COL25A1: variants seen among roughly 807,000 people sequenced by gnomAD.
COL25A1 encodes collagen type XXV alpha 1 chain.
In COL25A1, 103 loss-of-function variants were observed where a neutral mutation model predicts 128.4. The ratio of observed to expected loss-of-function variants is 0.80; its 90% CI spans 0.68 to 0.94. The LOEUF (loss-of-function observed/expected upper bound fraction) is 0.94. Ranked by LOEUF, COL25A1 falls within the 40% of genes least tolerant of loss-of-function variation. COL25A1 has a pLI of 0.00. For synonymous variants in COL25A1, 279 were observed against 277.2 expected (o/e 1.01, Z -0.06); for missense variants, 745 against 840.0 (o/e 0.89, Z 1.40).
intron 3 of COL25A1, among the ~76,000 whole-genome samples, chr4:109,294,056 T>A (rs930909947): frequency 6.6e-6 from 1 of 152,142 alleles, no homozygotes; most frequent in African/African-American, 2.4e-5. Flanking sequence ...TTAAAGCTGA[T>A]AGGACACTAG....
At chr4:109,156,337 C>T (rs1260192455) in intron 3 of COL25A1, among the ~76,000 whole-genome samples, 1 of 152,216 alleles carries the variant, frequency 6.6e-6, no homozygotes, top group Non-Finnish European at 1.5e-5. Context: ...ATACCGAAAG[C>T]CGGCTTGATT....
At chr4:108,959,819 T>C (rs1750471748) in intron 8 of COL25A1, among the ~76,000 whole-genome samples, 1 of 152,126 alleles carries the variant, frequency 6.6e-6, no homozygotes. Flanking sequence ...TTTGTTTGAC[T>C]TTTCTGCCTA....
intron 3 of COL25A1, among the ~76,000 whole-genome samples, chr4:109,154,439 T>C (rs1231257451): frequency 6.6e-6 from 1 of 152,106 alleles, no homozygotes; most frequent in Non-Finnish European, 1.5e-5. Context: ...AACACACACA[T>C]GCACAAAAAC....
chr4:109,252,606 C>T (rs1780738472), intron 3 of COL25A1, among the ~76,000 whole-genome samples: 1 of 152,202 alleles, frequency 6.6e-6, no homozygotes, highest in Non-Finnish European at 1.5e-5. Flanking sequence ...TATCCATATA[C>T]CTCTTCTCCA....
At chr4:108,951,141 T>A (rs574876808) in intron 8 of COL25A1, among the ~76,000 whole-genome samples, 33 of 152,140 alleles carry the variant, frequency 2.2e-4, no homozygotes, top group Admixed American at 2.0e-3. Context: ...TTTAGAGAAA[T>A]GCCTGGAAAA....
chr4:109,042,618 T>C (rs1337149722), intron 5 of COL25A1, among the ~76,000 whole-genome samples: 3 of 152,072 alleles, frequency 2.0e-5, no homozygotes, highest in Non-Finnish European at 4.4e-5. Context: ...CCTGCTATTA[T>C]AGAAAAAATA....
intron 3 of COL25A1, among the ~76,000 whole-genome samples, chr4:109,057,980 G>A (rs1450623661): frequency 1.3e-5 from 2 of 152,166 alleles, no homozygotes; most frequent in African/African-American, 4.8e-5. Context: ...TTTCCGAACT[G>A]AGTGCAACGT....
chr4:109,031,017 G>C (rs1021469944), intron 5 of COL25A1, among the ~76,000 whole-genome samples: 3 of 149,178 alleles, frequency 2.0e-5, no homozygotes, highest in Non-Finnish European at 4.4e-5. Context: ...GGGATTATAG[G>C]GATGAGCCAC....
intron 24 of COL25A1, among the ~76,000 whole-genome samples, chr4:108,855,803 C>T (rs1422416540): frequency 6.6e-6 from 1 of 152,104 alleles, no homozygotes; most frequent in Non-Finnish European, 1.5e-5. Flanking sequence ...GCTAACTTCA[C>T]AAATACATAG....
Position 109,146,211 on chromosome 4 carries a change from T to C in COL25A1, c.368-96032A>G, listed in dbSNP as rs80027734. On this transcript the variant is annotated intron_variant, in intron 3 of 37. Coordinates refer to ENST00000399132, the MANE Select transcript of COL25A1 (RefSeq NM_198721.4). ...AATAACCATGATTAAGAAGTAACTG[T>C]TAAGTAAAAATGTATTTTCTAACAT... is the stretch of plus-strand genomic sequence containing the variant. Among the ~76,000 whole-genome samples, 90 of 152,290 alleles carry C rather than the reference T, an allele frequency of 5.9e-4. No individual in the cohort carries two copies. The East Asian group carries it at 0.017, about 29-fold the overall frequency.
In COL25A1 at chr4:109,271,784, GA is replaced by G. The variant is rs570853647; in HGVS notation, c.367+28798del. 1.4e-4 allele frequency among the ~76,000 whole-genome samples: 22 copies of G among 151,988 alleles called. No individual in the cohort carries two copies. The East Asian group carries it at 3.7e-3, about 25-fold the overall frequency. ...TTAAGATGGGGGTTAAGAACCTGAG[GA>G]AAAAAGTGTATAATTTTATAGTATC... On this transcript the variant is annotated intron_variant, in intron 3 of 37. Coordinates refer to ENST00000399132, the MANE Select transcript of COL25A1 (RefSeq NM_198721.4).
rs770593131 is a variant in COL25A1, at chr4:109,050,138, A to T, written c.409T>A (p.Ser137Thr). 3.7e-6 allele frequency: 6 copies of T among 1,609,214 alleles called. No homozygotes were observed. The South Asian group carries it at 6.6e-5, about 18-fold the overall frequency. ...KRGKRGRRGE[S>T]GPPGQPGPQG... ...AGCAGCTGAAAGAGAGACTTACCAG[A>T]TTCTCCTCTTCGGCCTCTCTTACCT... The change falls in exon 4 of 38, where the codon TCT (serine) becomes ACT (threonine). Residue 137 changes from serine to threonine, a missense_variant. Coordinates refer to ENST00000399132, the MANE Select transcript of COL25A1 (RefSeq NM_198721.4).
At chr4:109,060,469 T>C (rs1761862856) in intron 3 of COL25A1, among the ~76,000 whole-genome samples, 1 of 152,162 alleles carries the variant, frequency 6.6e-6, no homozygotes, top group South Asian at 2.1e-4. Context: ...ACATGGACCC[T>C]GGCAGATGAG....
chr4:109,242,056 A>C (rs987265130), intron 3 of COL25A1, among the ~76,000 whole-genome samples: 4 of 151,724 alleles, frequency 2.6e-5, no homozygotes, highest in African/African-American at 4.9e-5. Context: ...CTGGAATATT[A>C]ATGGTTGATG....
At chr4:108,966,926 A>AGAAAGAAAGAAAAGAGAGAG (rs56937338) in intron 8 of COL25A1, among the ~76,000 whole-genome samples, 1 of 150,788 alleles carries the variant, frequency 6.6e-6, no homozygotes, top group South Asian at 2.1e-4. Context: ...AAGAGAGAAA[A>AGAAAGAAAGAAAAGAGAGAG]AGAGAGAAAG....
In COL25A1 at chr4:109,021,988, T is replaced by C. The variant is rs1167407621; in HGVS notation, c.421-11613A>G. On this transcript the variant is annotated intron_variant, in intron 5 of 37. Transcript: ENST00000399132. The stretch of plus-strand genomic sequence containing the variant: ...GTGCACTGCTGAACATAGACCCTTA[T>C]CAGGAGTTTCTGATTTTGCCCTGGT... Among the ~76,000 whole-genome samples the C allele has an allele frequency of 2.6e-5, 4 of 152,220 alleles. No individual in the cohort carries two copies. The East Asian group carries it at 7.7e-4, about 29-fold the overall frequency.
At chr4:108,930,540 G>C (rs533072623) in intron 11 of COL25A1, among the ~76,000 whole-genome samples, 1 of 152,256 alleles carries the variant, frequency 6.6e-6, no homozygotes, top group African/African-American at 2.4e-5. Context: ...ATTTTGAGGG[G>C]GATAGATGAA....
chr4:108,867,768 C>T (rs1738110224), intron 20 of COL25A1, among the ~76,000 whole-genome samples: 1 of 152,092 alleles, frequency 6.6e-6, no homozygotes, highest in Admixed American at 6.5e-5. Context: ...AATTTTGCCC[C>T]TTCTTTGATT....
chr4:109,060,578 A>G lies in COL25A1; in HGVS notation c.368-10399T>C, dbSNP rs1230923565. Among the ~76,000 whole-genome samples, 4 of 151,888 alleles carry G rather than the reference A, an allele frequency of 2.6e-5. No homozygotes were observed. The South Asian group carries it at 6.2e-4, about 24-fold the overall frequency. On this transcript the variant is annotated intron_variant, in intron 3 of 37. Coordinates refer to ENST00000399132, the MANE Select transcript of COL25A1 (RefSeq NM_198721.4). The stretch of plus-strand genomic sequence containing the variant: ...AGTAAACATTCTTTAGATGTTACCA[A>G]TTGTAGTGACTTTTCACATCTCTGA...
Sources: gnomAD v4.1 joint callset for allele counts (sites outside exome capture counted in the v4.1 genomes callset) on GRCh38, gnomAD v4.1.1 for gene constraint, MANE v1.5 for transcripts, NCBI Gene and HGNC (gene_info 2026-07-23, HGNC 2026-07-21) for gene names.